The following MTSS1 variants were observed in gnomAD, a reference collection of about 807,000 sequenced individuals.
The protein encoded by MTSS1 is protein MTSS 1.
In MTSS1, 18 loss-of-function variants were observed where a neutral mutation model predicts 79.0. That is an observed-to-expected ratio of 0.23 (90% confidence interval 0.16 to 0.34). The LOEUF is 0.34. MTSS1 is among the 10% of genes least tolerant of loss of function. The probability of loss-of-function intolerance (pLI) is 1.00; values close to 1 mark genes in which losing one functional copy is unlikely to be tolerated. For synonymous variants in MTSS1, 341 were observed against 368.6 expected (o/e 0.93, Z 0.86); for missense variants, 815 against 986.2 (o/e 0.83, Z 2.33).
At chr8:124,617,991 T>C (rs1812733315) in intron 3 of MTSS1, among the ~76,000 whole-genome samples, 1 of 152,198 alleles carries the variant, frequency 6.6e-6, no homozygotes, top group Non-Finnish European at 1.5e-5. Flanking sequence ...TTACGTGGGT[T>C]ATGCAGGTTT....
intron 3 of MTSS1, among the ~76,000 whole-genome samples, chr8:124,604,226 A>G (rs979244593): frequency 1.3e-5 from 2 of 152,060 alleles, no homozygotes; most frequent in Non-Finnish European, 2.9e-5. Flanking sequence ...AATAAATAAA[A>G]TAAAATAAAA....
intron 3 of MTSS1, among the ~76,000 whole-genome samples, chr8:124,681,987 C>T (rs568458477): frequency 1.3e-5 from 2 of 152,192 alleles, no homozygotes; most frequent in African/African-American, 2.4e-5. Context: ...ACTCCACACA[C>T]AGCCTACAAA....
intron 1 of MTSS1, among the ~76,000 whole-genome samples, chr8:124,721,563 T>C (rs1587997265): frequency 6.6e-6 from 1 of 152,092 alleles, no homozygotes; most frequent in East Asian, 1.9e-4. Flanking sequence ...GTGTGCGTGA[T>C]CACGCTGGGC....
At chr8:124,654,976 T>C (rs1820672873) in intron 3 of MTSS1, among the ~76,000 whole-genome samples, 1 of 152,218 alleles carries the variant, frequency 6.6e-6, no homozygotes, top group African/African-American at 2.4e-5. Context: ...ATTTAATAAT[T>C]TAATAATATT....
intron 3 of MTSS1, among the ~76,000 whole-genome samples, chr8:124,607,136 G>A (rs116168290): frequency 0.099 from 15,089 of 152,280 alleles, 865 homozygotes; most frequent in African/African-American, 0.12. Flanking sequence ...CAAGCTTCGC[G>A]TTCTACGCTC....
At chr8:124,585,188 T>C (rs1830641672) in intron 5 of MTSS1, 27 bp from the exon 6 acceptor site, 1 of 1,546,924 alleles carries the variant, frequency 6.5e-7, no homozygotes, top group African/African-American at 1.4e-5. Flanking sequence ...TATGGAACAA[T>C]TTTACCACTT....
chr8:124,679,579 G>T (rs1215044769), intron 3 of MTSS1, among the ~76,000 whole-genome samples: 1 of 152,194 alleles, frequency 6.6e-6, no homozygotes, highest in Admixed American at 6.5e-5. Flanking sequence ...TGCTTCTAGA[G>T]CCCTTCTAAG....
intron 3 of MTSS1, among the ~76,000 whole-genome samples, chr8:124,649,112 T>C (rs913621124): frequency 6.6e-6 from 1 of 152,274 alleles, no homozygotes; most frequent in Non-Finnish European, 1.5e-5. Flanking sequence ...TGGCAAACTA[T>C]GGCAGCAGGC....
At chr8:124,690,360 C>A (rs1827746344) in intron 3 of MTSS1, among the ~76,000 whole-genome samples, 2 of 152,224 alleles carry the variant, frequency 1.3e-5, no homozygotes, top group Non-Finnish European at 2.9e-5. Context: ...AGGACAGACA[C>A]ACATGCTTGG....
chr8:124,698,495 G>A (rs1024604184), intron 3 of MTSS1, among the ~76,000 whole-genome samples: 1 of 150,380 alleles, frequency 6.6e-6, no homozygotes, highest in African/African-American at 2.5e-5. Context: ...AATGTTGCAT[G>A]TGTTGCTTTT....
chr8:124,663,817 G>T (rs757802189), intron 3 of MTSS1, among the ~76,000 whole-genome samples: 1 of 152,116 alleles, frequency 6.6e-6, no homozygotes, highest in African/African-American at 2.4e-5. Flanking sequence ...CTCAAGGAGG[G>T]CAGAGACACA....
At chr8:124,625,957 C>T (rs1814576848) in intron 3 of MTSS1, among the ~76,000 whole-genome samples, 1 of 152,178 alleles carries the variant, frequency 6.6e-6, no homozygotes, top group African/African-American at 2.4e-5. Context: ...TTTCTGTAGG[C>T]TGTGACTTTA....
chr8:124,634,875 C>A (rs527768757), intron 3 of MTSS1, among the ~76,000 whole-genome samples: 2 of 152,338 alleles, frequency 1.3e-5, no homozygotes, highest in East Asian at 3.9e-4. Flanking sequence ...GGATCCCAAG[C>A]AATTCCCATG....
chr8:124,574,802 G>C (rs1165461100), intron 6 of MTSS1, among the ~76,000 whole-genome samples: 2 of 152,200 alleles, frequency 1.3e-5, no homozygotes, highest in Non-Finnish European at 2.9e-5. Flanking sequence ...TTCGGAGAGA[G>C]GTGTATGGAG....
At chr8:124,588,287 T>G (rs1274346923) in intron 5 of MTSS1, among the ~76,000 whole-genome samples, 1 of 152,240 alleles carries the variant, frequency 6.6e-6, no homozygotes, top group Non-Finnish European at 1.5e-5. Flanking sequence ...GGGTCTTCAT[T>G]GCAGTCTTCT....
At chr8:124,595,987 T>C (rs116542922) in intron 3 of MTSS1, among the ~76,000 whole-genome samples, 2,878 of 152,142 alleles carry the variant, frequency 0.019, 96 homozygotes, top group African/African-American at 0.066. Context: ...CACCAAAGGG[T>C]TCCACAGGCC....
rs1273892129 is a variant in MTSS1, at chr8:124,551,103, A to T, written c.*1889T>A. On this transcript the variant is annotated 3_prime_UTR_variant, in exon 14 of 14. Coordinates refer to ENST00000518547, the MANE Select transcript of MTSS1 (RefSeq NM_014751.6). The stretch of plus-strand genomic sequence containing the variant: ...CAGATTATACTAACGTTTAAAAACT[A>T]AACAAGTGAAAAGCTGTACCAAGGT... 1 of 152,622 alleles carries T rather than the reference A, an allele frequency of 6.6e-6. No individual in the cohort carries two copies. The highest frequency in any genetic ancestry group is 1.5e-5 in the Non-Finnish European group (1 of 68,046). 9.5% of individuals were successfully genotyped at this position (152,622 alleles called of 1,614,324 possible). A position where few individuals can be genotyped will look rare whatever the true frequency, so the allele number is the denominator to read the frequency against.
chr8:124,693,841 C>T (rs1828353332), intron 3 of MTSS1, among the ~76,000 whole-genome samples: 1 of 152,152 alleles, frequency 6.6e-6, no homozygotes, highest in Non-Finnish European at 1.5e-5. Context: ...AGGAAATTTA[C>T]ACTTCATTCA....
intron 3 of MTSS1, among the ~76,000 whole-genome samples, chr8:124,631,481 TC>T (rs548525208): frequency 3.2e-4 from 49 of 152,320 alleles, no homozygotes; most frequent in African/African-American, 1.2e-3. Context: ...CACTGCCTCC[TC>T]AGAACTCTCC....
Sources: allele counts gnomAD v4.1 joint callset (sites outside exome capture counted in the v4.1 genomes callset), GRCh38; gene constraint gnomAD v4.1.1; transcripts MANE v1.5; gene names NCBI Gene and HGNC (gene_info 2026-07-23, HGNC 2026-07-21).